The following OTULINL variants were observed in gnomAD, a reference collection of about 807,000 sequenced individuals.
The protein encoded by OTULINL is OTU deubiquitinase with linear linkage specificity like, also known as inactive ubiquitin thioesterase OTULINL.
Under a neutral mutation model 43.9 loss-of-function variants are expected in OTULINL, and 42 were observed. That is an observed-to-expected ratio of 0.96 (90% CI 0.75 to 1.24). The LOEUF is 1.24. Among genes scored for constraint, OTULINL ranks in the 50% most tolerant of loss-of-function variants. The probability of loss-of-function intolerance (pLI) is 0.00; values close to 1 mark genes in which losing one functional copy is unlikely to be tolerated. For missense variants in OTULINL, 411 were observed against 426.4 expected, an observed-to-expected ratio of 0.96 and a Z score of 0.32; for synonymous variants, 172 against 153.6, an observed-to-expected ratio of 1.12 and a Z score of -0.88.
chr5:14,606,556 A>G (rs1363615374), intron 5 of OTULINL, among the ~76,000 whole-genome samples: 6 of 152,230 alleles, frequency 3.9e-5, no homozygotes, highest in Non-Finnish European at 8.8e-5. Flanking sequence ...AGAGTCCTAT[A>G]AAATGCACAG....
chr5:14,598,056 C>T (rs1467926109), intron 1 of OTULINL, among the ~76,000 whole-genome samples: 1 of 152,168 alleles, frequency 6.6e-6, no homozygotes, highest in Non-Finnish European at 1.5e-5. Context: ...GCCCTGTGCT[C>T]AAGAGAGATG....
intron 1 of OTULINL, among the ~76,000 whole-genome samples, chr5:14,599,569 A>T (rs1759348198): frequency 6.6e-6 from 1 of 152,200 alleles, no homozygotes; most frequent in Admixed American, 6.5e-5. Context: ...ATCACATCAA[A>T]TATCCAGATG....
Position 14,581,840 on chromosome 5 carries a change from C to A in OTULINL, c.-55C>A. The A allele has an allele frequency of 7.6e-7, 1 of 1,316,286 alleles. No homozygotes were observed. The highest frequency in any genetic ancestry group is 9.7e-7 in the Non-Finnish European group (1 of 1,031,254). 81.5% of individuals were successfully genotyped at this position (1,316,286 alleles called of 1,614,324 possible). On this transcript the variant is annotated 5_prime_UTR_variant, in exon 1 of 8. Transcript: ENST00000274217. ...GCCGGCGGGCGGCCGTCGCGTCTGA[C>A]AGACCACTGCAGACCACGGGCCGAG... is the stretch of plus-strand genomic sequence containing the variant.
In OTULINL at chr5:14,614,232, C is replaced by T. The variant is rs1241258900; in HGVS notation, c.*3918C>T. Among the ~76,000 whole-genome samples, 1 of 152,134 alleles carries T rather than the reference C, an allele frequency of 6.6e-6. No individual in the cohort carries two copies. Among genetic ancestry groups the T allele is most frequent in the Non-Finnish European group, 1.5e-5 (1 of 68,032 alleles). On this transcript the variant is annotated 3_prime_UTR_variant, in exon 8 of 8. Coordinates refer to ENST00000274217, the MANE Select transcript of OTULINL (RefSeq NM_019018.3). ...ATATATCATATGTCTTTTCATGCAT[C>T]TGAAACTTTAACTGTCTATAGGGTT... is the stretch of plus-strand genomic sequence containing the variant.
At chr5:14,597,824 T>TA (rs1759313147) in intron 1 of OTULINL, among the ~76,000 whole-genome samples, 1 of 152,118 alleles carries the variant, frequency 6.6e-6, no homozygotes, top group African/African-American at 2.4e-5. Flanking sequence ...TGGCTGCAGT[T>TA]ACTTGACAAA....
chr5:14,602,262 C>A lies in OTULINL; in HGVS notation c.428C>A (p.Ser143Ter), dbSNP rs116207901. The change falls in exon 5 of 8, where the codon TCA becomes TAA. Residue 143 changes from serine (S) to a stop codon, truncating the protein, a stop_gained. Coordinates refer to ENST00000274217, the MANE Select transcript of OTULINL (RefSeq NM_019018.3). LOFTEE classifies it high-confidence loss of function. ...AGAGATAACTATGATGCTCTCAGAT[C>A]AGTGTTATTTCAGATATTCAGCCAG... is the stretch of plus-strand genomic sequence containing the variant. ...VRRDNYDALR[S>*]VLFQIFSQGI... The A allele has an allele frequency of 3.0e-5, 49 of 1,613,702 alleles. No homozygotes were observed. The African/African-American group carries it at 5.1e-4, about 17-fold the overall frequency.
chr5:14,595,280 GA>G (rs1211607780), intron 1 of OTULINL, among the ~76,000 whole-genome samples: 1 of 152,166 alleles, frequency 6.6e-6, no homozygotes, highest in African/African-American at 2.4e-5. Context: ...TATATACCAT[GA>G]ATAAGATCAG....
intron 1 of OTULINL, among the ~76,000 whole-genome samples, chr5:14,587,428 C>T (rs1028291820): frequency 6.6e-6 from 1 of 152,240 alleles, no homozygotes; most frequent in Admixed American, 6.5e-5. Context: ...GGGCTGGTGG[C>T]ACTCATGTCA....
chr5:14,599,836 T>C (rs137987171), intron 1 of OTULINL, among the ~76,000 whole-genome samples: 50 of 152,348 alleles, frequency 3.3e-4, no homozygotes, highest in African/African-American at 1.0e-3. Context: ...TTTTCTCTTT[T>C]GTCAAATCAG....
intron 1 of OTULINL, among the ~76,000 whole-genome samples, chr5:14,591,928 A>C (rs1202393300): frequency 2.6e-5 from 4 of 152,182 alleles, no homozygotes; most frequent in African/African-American, 7.2e-5. Context: ...CCACTTCCTG[A>C]CATGTGAAAA....
rs141177333 is a variant in OTULINL at position 14,594,669 on chromosome 5, G to A, written c.65-6296G>A. On this transcript the variant is annotated intron_variant, in intron 1 of 7. Transcript: ENST00000274217. ...GGGAGCGGGCAGCCCTTCCCAGCCC[G>A]TCCCTGTCTGCCTGTTCCATTGGCT... Among the ~76,000 whole-genome samples the A allele has an allele frequency of 1.5e-4, 23 of 152,298 alleles. No homozygotes were observed. In the South Asian group the frequency reaches 4.3e-3, roughly 29 times the overall value.
rs1447027171 is a variant in OTULINL, at chr5:14,581,863, G to A, written c.-32G>A. 2.1e-6 allele frequency: 3 copies of A among 1,395,846 alleles called. No homozygotes were observed. The highest frequency in any genetic ancestry group is 1.5e-5 in the African/African-American group (1 of 66,150). The allele number at this position is 1,395,846 out of a possible 1,614,324, so 86.5% of individuals were successfully genotyped here. A position where few individuals can be genotyped will look rare whatever the true frequency, so the allele number is the denominator to read the frequency against. On this transcript the variant is annotated 5_prime_UTR_variant, in exon 1 of 8. Transcript: ENST00000274217. The stretch of plus-strand genomic sequence containing the variant: ...GACAGACCACTGCAGACCACGGGCC[G>A]AGGCCCAGCGCCCGTCCGCAGCGCG...
At chr5:14,590,394 A>G (rs1579916596) in intron 1 of OTULINL, among the ~76,000 whole-genome samples, 2 of 152,320 alleles carry the variant, frequency 1.3e-5, no homozygotes, top group Admixed American at 6.5e-5. Context: ...GGGGTTTGAG[A>G]ATCTATAGTT....
chr5:14,584,311 A>AT (rs1372129490), intron 1 of OTULINL, among the ~76,000 whole-genome samples: 5 of 152,136 alleles, frequency 3.3e-5, no homozygotes, highest in African/African-American at 1.2e-4. Flanking sequence ...TTCAGCCATG[A>AT]TTTCAGGAAC....
At chr5:14,583,446 T>A (rs1759051614) in intron 1 of OTULINL, among the ~76,000 whole-genome samples, 1 of 152,212 alleles carries the variant, frequency 6.6e-6, no homozygotes, top group Non-Finnish European at 1.5e-5. Flanking sequence ...TGCCTTAGTT[T>A]GGCAGAGAAA....
chr5:14,592,911 A>G (rs1442276532), intron 1 of OTULINL, among the ~76,000 whole-genome samples: 2 of 152,036 alleles, frequency 1.3e-5, no homozygotes, highest in Non-Finnish European at 1.5e-5. Flanking sequence ...CCCCTGTCCA[A>G]CCTTGGATCT....
intron 1 of OTULINL, among the ~76,000 whole-genome samples, chr5:14,598,000 A>G (rs1759316040): frequency 6.6e-6 from 1 of 152,136 alleles, no homozygotes; most frequent in African/African-American, 2.4e-5. Context: ...GGGGAGAGCC[A>G]TGGTCTGTAG....
At chr5:14,598,029 T>A (rs1271185642) in intron 1 of OTULINL, among the ~76,000 whole-genome samples, 2 of 152,098 alleles carry the variant, frequency 1.3e-5, no homozygotes, top group African/African-American at 4.8e-5. Context: ...CATGGAGGCC[T>A]GGGAGCTACA....
intron 1 of OTULINL, among the ~76,000 whole-genome samples, chr5:14,589,116 A>C (rs968337268): frequency 2.0e-5 from 3 of 152,232 alleles, no homozygotes; most frequent in African/African-American, 7.2e-5. Flanking sequence ...AAGCAGAGTG[A>C]AAACAGTCAG....
Sources: allele counts gnomAD v4.1 joint callset (sites outside exome capture counted in the v4.1 genomes callset), GRCh38; gene constraint gnomAD v4.1.1; transcripts MANE v1.5; gene names NCBI Gene and HGNC (gene_info 2026-07-23, HGNC 2026-07-21).